Variants in ARL15 observed in about 807,000 individuals in gnomAD.
The protein encoded by ARL15 is ARF like GTPase 15.
In ARL15, 19 loss-of-function variants were observed where a neutral mutation model predicts 25.2. The ratio of observed to expected loss-of-function variants is 0.75; its 90% confidence interval spans 0.53 to 1.10. ARL15 has a LOEUF of 1.10. Among genes scored for constraint, ARL15 ranks in the 50% least tolerant of loss-of-function variants. The pLI is 0.00. For missense variants in ARL15, 220 were observed against 246.0 expected (o/e 0.89, Z 0.71); for synonymous variants, 94 against 86.8 (o/e 1.08, Z -0.46).
chr5:54,035,708 T>C lies in ARL15; in HGVS notation c.462+77494A>G, dbSNP rs183930680. On this transcript the variant is annotated intron_variant, in intron 4 of 4. Coordinates refer to ENST00000504924, the MANE Select transcript of ARL15 (RefSeq NM_019087.3). ...TTTTAAATATGAGAGCTATTTCCAA[T>C]GCAGTGTCTATTTCCAATACAGAGT... Among the ~76,000 whole-genome samples, 203 of 152,308 alleles carry C rather than the reference T, an allele frequency of 1.3e-3. 1 individual carries two copies. Among genetic ancestry groups the C allele is most frequent in the African/African-American group, 4.6e-3 (190 of 41,568 alleles).
chr5:53,923,125 G>GC (rs886695447), intron 4 of ARL15, among the ~76,000 whole-genome samples: 3 of 152,186 alleles, frequency 2.0e-5, no homozygotes, highest in Non-Finnish European at 4.4e-5. Context: ...CTCAGGGCAA[G>GC]CAAGTTTTGG....
intron 4 of ARL15, among the ~76,000 whole-genome samples, chr5:54,004,883 C>T (rs1466061939): frequency 1.3e-5 from 2 of 152,014 alleles, no homozygotes; most frequent in South Asian, 2.1e-4. Flanking sequence ...TTGTTGAGGG[C>T]CTACAATGTG....
chr5:54,089,819 T>C lies in ARL15; in HGVS notation c.462+23383A>G, dbSNP rs1752080325. ...TGTATTAATATTATATTCAAATGAA[T>C]CAAAAGGATTAAAAGTCTAGGTTTT... On this transcript the variant is annotated intron_variant, in intron 4 of 4. Transcript: ENST00000504924. 2.0e-5 allele frequency among the ~76,000 whole-genome samples: 3 copies of C among 152,126 alleles called. No individual in the cohort carries two copies. In the South Asian group the frequency reaches 6.2e-4, roughly 31 times the overall value.
chr5:54,223,015 G>C (rs1756421326), intron 1 of ARL15, among the ~76,000 whole-genome samples: 1 of 144,850 alleles, frequency 6.9e-6, no homozygotes, highest in Admixed American at 6.9e-5. Flanking sequence ...TAAGAGACAG[G>C]GTTTCACCAT....
At chr5:54,023,156 A>G (rs777618473) in intron 4 of ARL15, among the ~76,000 whole-genome samples, 24 of 152,148 alleles carry the variant, frequency 1.6e-4, no homozygotes, top group Non-Finnish European at 2.9e-4. Context: ...TATATTATAA[A>G]TGAGGAGGGT....
chr5:54,121,309 C>G (rs1006600838), intron 3 of ARL15, among the ~76,000 whole-genome samples: 1 of 152,010 alleles, frequency 6.6e-6, no homozygotes, highest in African/African-American at 2.4e-5. Context: ...AAATGCTTAT[C>G]AGAGCTCTTA....
intron 4 of ARL15, among the ~76,000 whole-genome samples, chr5:53,896,313 T>A (rs1744871541): frequency 6.6e-6 from 1 of 152,034 alleles, no homozygotes; most frequent in African/African-American, 2.4e-5. Context: ...GGATTACAGG[T>A]GTGAGCCACC....
At chr5:54,021,980 G>C (rs1159611878) in intron 4 of ARL15, among the ~76,000 whole-genome samples, 3 of 152,118 alleles carry the variant, frequency 2.0e-5, no homozygotes, top group Non-Finnish European at 2.9e-5. Flanking sequence ...AGAAGGAAAT[G>C]ATGCAACATT....
rs748823772 is a variant in ARL15 at position 54,171,792 on chromosome 5, G to A, written c.185C>T (p.Ser62Leu). ...CCCAGCACAGTACCCACCTGTGGTC[G>A]ACACGACGTTATCGGGGCTTTCACT... ...LCSESPDNVV[S>L]TTGFSIKAVP... The change falls in exon 2 of 5, where the codon TCG becomes TTG. Residue 62 changes from serine (S) to leucine (L), a missense_variant. Ser to Leu is a moderately radical substitution (Grantham distance 145). Coordinates refer to ENST00000504924, the MANE Select transcript of ARL15 (RefSeq NM_019087.3). 2.8e-5 allele frequency: 45 copies of A among 1,612,214 alleles called. No homozygotes were observed. In the Admixed American group the frequency reaches 3.8e-4, roughly 14 times the overall value.
intron 4 of ARL15, among the ~76,000 whole-genome samples, chr5:54,101,875 T>C (rs1752448206): frequency 6.6e-6 from 1 of 152,192 alleles, no homozygotes; most frequent in African/African-American, 2.4e-5. Context: ...TATGCAAAAT[T>C]GGTATCCAAA....
intron 4 of ARL15, among the ~76,000 whole-genome samples, chr5:54,062,561 C>T (rs932609597): frequency 2.0e-5 from 3 of 151,138 alleles, no homozygotes; most frequent in Non-Finnish European, 4.4e-5. Context: ...CACAAACTCT[C>T]TTTTTGCCTG....
intron 4 of ARL15, among the ~76,000 whole-genome samples, chr5:54,091,167 A>G (rs962519587): frequency 6.6e-6 from 1 of 152,188 alleles, no homozygotes; most frequent in Non-Finnish European, 1.5e-5. Context: ...TACTACTTTT[A>G]TGTACTACCA....
At chr5:54,302,271 C>T (rs1295551252) in intron 1 of ARL15, among the ~76,000 whole-genome samples, 1 of 152,134 alleles carries the variant, frequency 6.6e-6, no homozygotes, top group Non-Finnish European at 1.5e-5. Context: ...TAAGCAGCAC[C>T]GAAGAATGCT....
chr5:54,151,627 G>A (rs1007464718), intron 3 of ARL15, among the ~76,000 whole-genome samples: 6 of 151,954 alleles, frequency 3.9e-5, no homozygotes, highest in African/African-American at 1.4e-4. Context: ...ACAGAAAATT[G>A]GTAAGAGGAA....
chr5:54,074,468 A>G (rs1049584098), intron 4 of ARL15, among the ~76,000 whole-genome samples: 5 of 152,186 alleles, frequency 3.3e-5, no homozygotes, highest in African/African-American at 1.2e-4. Context: ...ACTGAGAAGA[A>G]GGAAGAAGAA....
At chr5:54,206,895 A>C (rs1259067666) in intron 1 of ARL15, among the ~76,000 whole-genome samples, 1 of 152,220 alleles carries the variant, frequency 6.6e-6, no homozygotes, top group Non-Finnish European at 1.5e-5. Context: ...GCCCAGATGT[A>C]AAAAAGTAAG....
intron 2 of ARL15, among the ~76,000 whole-genome samples, chr5:54,161,751 T>C (rs1347204719): frequency 6.6e-6 from 1 of 152,170 alleles, no homozygotes; most frequent in Non-Finnish European, 1.5e-5. Context: ...TATATTTATC[T>C]TAATTTTAGA....
chr5:53,941,651 C>T (rs1746543753), intron 4 of ARL15, among the ~76,000 whole-genome samples: 1 of 152,148 alleles, frequency 6.6e-6, no homozygotes, highest in Non-Finnish European at 1.5e-5. Flanking sequence ...TAACCAGAAC[C>T]CACAAATTTG....
At chr5:54,237,093 T>G (rs576911477) in intron 1 of ARL15, among the ~76,000 whole-genome samples, 3 of 152,240 alleles carry the variant, frequency 2.0e-5, no homozygotes, top group African/African-American at 7.2e-5. Context: ...TCCCCACGTG[T>G]TGTGGGAGGG....
Sources: allele counts gnomAD v4.1 joint callset (sites outside exome capture counted in the v4.1 genomes callset), GRCh38; gene constraint gnomAD v4.1.1; transcripts MANE v1.5; gene names NCBI Gene and HGNC (gene_info 2026-07-23, HGNC 2026-07-21).